Variants in ANO3 observed in about 807,000 individuals in gnomAD.
ANO3 encodes the protein anoctamin-3.
A neutral mutation model predicts 144.8 loss-of-function variants in ANO3; 99 were observed. The observed-to-expected ratio is 0.68, with a 90% CI of 0.58 to 0.81. The LOEUF (loss-of-function observed/expected upper bound fraction) is 0.81. Ranked by LOEUF, ANO3 falls within the 30% of genes least tolerant of loss-of-function variation. The pLI is 0.00. For missense variants in ANO3, 905 were observed against 1,202.2 expected (o/e 0.75, Z 3.66); for synonymous variants, 414 against 392.6 (o/e 1.05, Z -0.64).
intron 1 of ANO3, among the ~76,000 whole-genome samples, chr11:26,274,073 A>T (rs1011761320): frequency 6.6e-6 from 1 of 152,184 alleles, no homozygotes; most frequent in Non-Finnish European, 1.5e-5. Context: ...GGATGCTTCA[A>T]TTGAAAAGAG....
chr11:26,292,771 G>T (rs1339525823), intron 1 of ANO3, among the ~76,000 whole-genome samples: 1 of 152,194 alleles, frequency 6.6e-6, no homozygotes, highest in Non-Finnish European at 1.5e-5. Flanking sequence ...AACAGCAAAG[G>T]TTGCTGCCTG....
chr11:26,421,185 A>T (rs1322025402), intron 1 of ANO3, among the ~76,000 whole-genome samples: 1 of 152,056 alleles, frequency 6.6e-6, no homozygotes, highest in Non-Finnish European at 1.5e-5. Flanking sequence ...CTACAGGATA[A>T]ACTTGGTAAT....
At chr11:26,491,884 A>G (rs774941719) in intron 4 of ANO3, among the ~76,000 whole-genome samples, 1 of 152,250 alleles carries the variant, frequency 6.6e-6, no homozygotes, top group Non-Finnish European at 1.5e-5. Context: ...TAAAAGTAAA[A>G]GAGTTAATTA....
chr11:26,639,292 G>T, intron 21 of ANO3, 51 bp downstream of exon 21: 5 of 1,395,538 alleles, frequency 3.6e-6, no homozygotes, highest in Non-Finnish European at 5.1e-6. Context: ...AAAGAGGAAA[G>T]CTAGAGGTGG....
At chr11:26,397,730 A>C (rs996074653) in intron 1 of ANO3, among the ~76,000 whole-genome samples, 1 of 152,058 alleles carries the variant, frequency 6.6e-6, no homozygotes, top group African/African-American at 2.4e-5. Flanking sequence ...TAGATATTTA[A>C]AACTGCAAAA....
At chr11:26,530,821 A>G (rs992611527) in intron 7 of ANO3, among the ~76,000 whole-genome samples, 1 of 152,164 alleles carries the variant, frequency 6.6e-6, no homozygotes, top group African/African-American at 2.4e-5. Context: ...GTGAGCCAAG[A>G]TTGCACCACT....
intron 1 of ANO3, among the ~76,000 whole-genome samples, chr11:26,366,840 G>T (rs1275627116): frequency 2.0e-5 from 3 of 149,810 alleles, no homozygotes; most frequent in African/African-American, 7.5e-5. Flanking sequence ...TTTTTTTCTT[G>T]TAAATTTGTT....
At chr11:26,476,150 T>G (rs1178195161) in intron 4 of ANO3, among the ~76,000 whole-genome samples, 2 of 152,148 alleles carry the variant, frequency 1.3e-5, no homozygotes, top group Non-Finnish European at 2.9e-5. Flanking sequence ...TGTGCCAGAC[T>G]CTATACTAAT....
At chr11:26,276,427 TG>T (rs1450219078) in intron 1 of ANO3, among the ~76,000 whole-genome samples, 1 of 152,172 alleles carries the variant, frequency 6.6e-6, no homozygotes, top group Non-Finnish European at 1.5e-5. Flanking sequence ...ATTTGATATT[TG>T]TATAACTCTT....
intron 4 of ANO3, among the ~76,000 whole-genome samples, chr11:26,478,859 A>C (rs958725957): frequency 6.6e-6 from 1 of 152,112 alleles, no homozygotes; most frequent in African/African-American, 2.4e-5. Flanking sequence ...TCAGGTAATT[A>C]CTTTGCTTCT....
At chr11:26,390,422 A>C (rs1856844190) in intron 1 of ANO3, among the ~76,000 whole-genome samples, 1 of 152,050 alleles carries the variant, frequency 6.6e-6, no homozygotes. Context: ...ACCCCCTCCC[A>C]AAAAACTTGA....
chr11:26,311,525 C>T (rs1386327927), intron 1 of ANO3, among the ~76,000 whole-genome samples: 2 of 152,184 alleles, frequency 1.3e-5, no homozygotes, highest in Admixed American at 6.5e-5. Flanking sequence ...TGTCTCCAGA[C>T]CTGTCCTAGA....
intron 1 of ANO3, among the ~76,000 whole-genome samples, chr11:26,413,417 A>C (rs1172130423): frequency 2.0e-5 from 3 of 152,004 alleles, no homozygotes; most frequent in Non-Finnish European, 2.9e-5. Flanking sequence ...ACAAACTCTT[A>C]TATGAAGATA....
intron 13 of ANO3, among the ~76,000 whole-genome samples, chr11:26,554,841 G>A (rs971207115): frequency 2.6e-5 from 4 of 152,172 alleles, no homozygotes; most frequent in South Asian, 2.1e-4. Context: ...TTTGTTTTCC[G>A]TCTCTCAGGG....
At chr11:26,338,426 T>C (rs2350209) in intron 1 of ANO3, among the ~76,000 whole-genome samples, 85,200 of 151,850 alleles carry the variant, frequency 0.56, 24,291 homozygotes, top group African/African-American at 0.62. Context: ...CACCTATCAG[T>C]GCTCTGTAAA....
chr11:26,574,650 G>T (rs376964334), intron 14 of ANO3, among the ~76,000 whole-genome samples: 1 of 152,012 alleles, frequency 6.6e-6, no homozygotes, highest in Non-Finnish European at 1.5e-5. Context: ...TGTATTTGGG[G>T]ATAACATTTA....
chr11:26,305,419 T>C (rs1323498762), upstream of ANO3, among the ~76,000 whole-genome samples: 1 of 152,048 alleles, frequency 6.6e-6, no homozygotes, highest in Non-Finnish European at 1.5e-5. Context: ...CACCCAGATC[T>C]GTTAACTTAT....
At chr11:26,620,915 G>A (rs1011506669) in intron 17 of ANO3, among the ~76,000 whole-genome samples, 1 of 152,166 alleles carries the variant, frequency 6.6e-6, no homozygotes, top group African/African-American at 2.4e-5. Flanking sequence ...AAGAGGATTG[G>A]CTTTTTAATA....
intron 14 of ANO3, among the ~76,000 whole-genome samples, chr11:26,583,887 A>C (rs183611116): frequency 7.3e-4 from 111 of 152,290 alleles, no homozygotes; most frequent in African/African-American, 2.6e-3. Flanking sequence ...TCTTTTGAGA[A>C]GGCTTCAAGT....
Sources: allele counts gnomAD v4.1 joint callset (sites outside exome capture counted in the v4.1 genomes callset), GRCh38; gene constraint gnomAD v4.1.1; transcripts MANE v1.5; gene names NCBI Gene and HGNC (gene_info 2026-07-23, HGNC 2026-07-21).